Variants in SLC37A1 observed in about 807,000 individuals in gnomAD.
SLC37A1 encodes solute carrier family 37 member 1, also known as glucose-6-phosphate exchanger SLC37A1.
In SLC37A1, 49 loss-of-function variants were observed where a neutral mutation model predicts 75.3. The ratio of observed to expected loss-of-function variants is 0.65; its 90% CI spans 0.52 to 0.83. SLC37A1 has a LOEUF of 0.83. Among genes scored for constraint, SLC37A1 ranks in the 40% least tolerant of loss-of-function variants. The pLI is 0.00. For missense variants in SLC37A1, 566 were observed against 695.0 expected (o/e 0.81, Z 2.09); for synonymous variants, 268 against 292.1 (o/e 0.92, Z 0.84).
In SLC37A1 at chr21:42,518,402, T is replaced by C; in HGVS notation, c.-53T>C. On this transcript the variant is annotated 5_prime_UTR_variant, in exon 2 of 20. Transcript: ENST00000352133. The stretch of plus-strand genomic sequence containing the variant: ...ATCTGGAGCCAGGATTAATGACTCA[T>C]TTATGAAGCATCTTATTCTGCGACC... 1 of 1,610,472 alleles carries C rather than the reference T, an allele frequency of 6.2e-7. No homozygotes were observed. Among genetic ancestry groups the C allele is most frequent in the Non-Finnish European group, 8.5e-7 (1 of 1,176,896 alleles).
chr21:42,575,069 T>C (rs901278978), intron 18 of SLC37A1, 154 bp downstream of exon 18: 10 of 960,188 alleles, frequency 1.0e-5, no homozygotes, highest in African/African-American at 1.8e-5. Context: ...TAAAGCTCCT[T>C]CTCTCTCTGA....
chr21:42,562,201 G>T (rs532569450), intron 12 of SLC37A1, 33 bp downstream of exon 12: 1 of 1,583,718 alleles, frequency 6.3e-7, no homozygotes, highest in Non-Finnish European at 8.7e-7. Flanking sequence ...ATTAAATTCC[G>T]CACAGTGACT....
At chr21:42,525,439 A>G (rs1388326374) in intron 2 of SLC37A1, among the ~76,000 whole-genome samples, 1 of 152,210 alleles carries the variant, frequency 6.6e-6, no homozygotes, top group African/African-American at 2.4e-5. Context: ...ATTCACTTAG[A>G]GGACATCCAG....
chr21:42,525,016 G>C (rs904020695), intron 2 of SLC37A1, among the ~76,000 whole-genome samples: 2 of 152,266 alleles, frequency 1.3e-5, no homozygotes, highest in Non-Finnish European at 2.9e-5. Flanking sequence ...TGTTCTGCTC[G>C]ATCGTGCCTG....
chr21:42,556,371 C>T (rs1324317339), intron 10 of SLC37A1, among the ~76,000 whole-genome samples: 2 of 152,220 alleles, frequency 1.3e-5, no homozygotes, highest in African/African-American at 4.8e-5. Flanking sequence ...AATGTGACTC[C>T]ACCGTGCACT....
intron 13 of SLC37A1, among the ~76,000 whole-genome samples, chr21:42,564,474 C>T (rs898352281): frequency 3.9e-5 from 6 of 152,102 alleles, no homozygotes; most frequent in African/African-American, 1.2e-4. Context: ...AAAGGGGCTT[C>T]GAGGCTGGCC....
At chr21:42,553,456 G>A (rs537947672) in intron 9 of SLC37A1, among the ~76,000 whole-genome samples, 3 of 152,318 alleles carry the variant, frequency 2.0e-5, no homozygotes, top group South Asian at 2.1e-4. Flanking sequence ...ATAGAGCCCT[G>A]TAGAAATAAT....
intron 3 of SLC37A1, among the ~76,000 whole-genome samples, chr21:42,530,640 ACACACACACACACACC>A (rs1201300957): frequency 0.011 from 324 of 28,680 alleles, 15 homozygotes; most frequent in Admixed American, 0.066. Flanking sequence ...ACACACACAC[ACACACACACACACACC>A]CCCTCTGTGT....
chr21:42,514,996 A>AGCT lies in SLC37A1; in HGVS notation c.-179+279_-179+280insGCT, dbSNP rs1218660446. ...TTTTTTATTAATCCCCTTTGAGAGCAAGCTTGAAAACACCTGGCCCCAGAC... is the reference window on the plus strand; with the variant it reads ...TTTTTTATTAATCCCCTTTGAGAGCAGCTAGCTTGAAAACACCTGGCCCCAGAC... On this transcript the variant is annotated intron_variant, in intron 1 of 19. Transcript: ENST00000352133. The surrounding 1 kb of genome is among the most constrained non-coding windows in gnomAD (Gnocchi z 4.8). The AGCT allele has an allele frequency of 6.6e-6, 1 of 152,240 alleles. No homozygotes were observed. The highest frequency in any genetic ancestry group is 2.4e-5 in the African/African-American group (1 of 41,442). The allele number at this position is 152,240 out of a possible 1,614,324, so 9.4% of individuals were successfully genotyped here. A position where few individuals can be genotyped will look rare whatever the true frequency, so the allele number is the denominator to read the frequency against.
intron 17 of SLC37A1, among the ~76,000 whole-genome samples, chr21:42,573,178 CAGG>C (rs1324198152): frequency 1.3e-5 from 2 of 151,846 alleles, no homozygotes; most frequent in African/African-American, 4.9e-5. Context: ...ACGGGGGCAT[CAGG>C]AGGAGTCTCT....
At chr21:42,510,546 G>C (rs2054423710), upstream of SLC37A1, among the ~76,000 whole-genome samples, 1 of 151,742 alleles carries the variant, frequency 6.6e-6, no homozygotes, top group African/African-American at 2.4e-5. Flanking sequence ...AATGTAAATG[G>C]ATTAAATTCT....
chr21:42,574,161 A>G (rs920046350), intron 17 of SLC37A1, among the ~76,000 whole-genome samples: 2 of 152,258 alleles, frequency 1.3e-5, no homozygotes, highest in Non-Finnish European at 2.9e-5. Flanking sequence ...AAGGAGTTCC[A>G]TGACAGACCA....
intron 18 of SLC37A1, among the ~76,000 whole-genome samples, chr21:42,578,416 A>G (rs2056350763): frequency 6.6e-6 from 1 of 152,098 alleles, no homozygotes; most frequent in Non-Finnish European, 1.5e-5. Flanking sequence ...ACTTGCTACT[A>G]TATTCTTCAT....
At chr21:42,529,157 CAGT>C (rs1294629435) in intron 3 of SLC37A1, among the ~76,000 whole-genome samples, 2 of 151,924 alleles carry the variant, frequency 1.3e-5, no homozygotes, top group South Asian at 2.1e-4. Context: ...ACAAAAAAGT[CAGT>C]AGAATAGATT....
At chr21:42,557,117 C>G (rs555513168) in intron 10 of SLC37A1, among the ~76,000 whole-genome samples, 68 of 152,382 alleles carry the variant, frequency 4.5e-4, no homozygotes, top group South Asian at 2.3e-3. Flanking sequence ...GGTCACTTCT[C>G]TGCGGGTCAG....
chr21:42,561,952 G>A, intron 11 of SLC37A1, 126 bp from the exon 12 acceptor site: 1 of 761,276 alleles, frequency 1.3e-6, no homozygotes, highest in East Asian at 2.5e-5. Context: ...GTGTCTGGAG[G>A]TGCTAAAGCC....
chr21:42,569,939 C>CGCT (rs543096357), intron 17 of SLC37A1, among the ~76,000 whole-genome samples: 71 of 152,282 alleles, frequency 4.7e-4, no homozygotes, highest in African/African-American at 1.5e-3. Context: ...CCCAGCTCCA[C>CGCT]GCTGCTGCTG....
At chr21:42,543,714 C>T (rs2055340536) in intron 8 of SLC37A1, 112 bp downstream of exon 8, 2 of 1,077,922 alleles carry the variant, frequency 1.9e-6, no homozygotes, top group South Asian at 1.7e-5. Flanking sequence ...CCCTGTTTGC[C>T]CGTGGCTGCC....
intron 10 of SLC37A1, among the ~76,000 whole-genome samples, chr21:42,555,846 G>C (rs1376093266): frequency 6.6e-6 from 1 of 152,248 alleles, no homozygotes; most frequent in Non-Finnish European, 1.5e-5. Context: ...CAGGCTGAGG[G>C]TGACGACCAC....
Sources: gnomAD v4.1 joint callset for allele counts (sites outside exome capture counted in the v4.1 genomes callset) on GRCh38, gnomAD v4.1.1 for gene constraint, Gnocchi (gnomAD v3.1) non-coding constraint, MANE v1.5 for transcripts, NCBI Gene and HGNC (gene_info 2026-07-23, HGNC 2026-07-21) for gene names.